Variants in SMARCA2 observed in about 807,000 individuals in gnomAD.
SMARCA2 encodes the protein SWI/SNF-related matrix-associated actin-dependent regulator of chromatin subfamily A member 2.
SMARCA2 carries 61 observed loss-of-function variants against 199.8 expected under a neutral mutation model. That is an observed-to-expected ratio of 0.31 (90% confidence interval 0.25 to 0.38). SMARCA2 has a LOEUF of 0.38. SMARCA2 is among the 10% of genes least tolerant of loss of function. The pLI is 1.00. For missense variants in SMARCA2, 1,344 were observed against 2,012.2 expected, an observed-to-expected ratio of 0.67 and a Z score of 6.35; for synonymous variants, 935 against 732.0, an observed-to-expected ratio of 1.28 and a Z score of -4.48.
intron 8 of SMARCA2, among the ~76,000 whole-genome samples, chr9:2,059,077 G>C (rs977442414): frequency 3.9e-5 from 6 of 152,204 alleles, no homozygotes; most frequent in African/African-American, 1.4e-4. Flanking sequence ...GCACAGAAGA[G>C]ATAGGTTTAT....
intron 27 of SMARCA2, among the ~76,000 whole-genome samples, chr9:2,132,004 G>A (rs1270147340): frequency 6.6e-6 from 1 of 151,546 alleles, no homozygotes; most frequent in Non-Finnish European, 1.5e-5. Context: ...AAGGTAAAAT[G>A]TGATACATCT....
At chr9:2,070,341 C>A in intron 9 of SMARCA2, 77 bp from the exon 10 acceptor site, 1 of 1,124,988 alleles carries the variant, frequency 8.9e-7, no homozygotes, top group Non-Finnish European at 1.4e-6. Context: ...AATCCTATTA[C>A]ATACCGGAGA....
Position 2,039,380 on chromosome 9 carries a change from G to A in SMARCA2, c.356-86G>A. The A allele has an allele frequency of 1.5e-6, 2 of 1,298,496 alleles. No individual in the cohort carries two copies. The highest frequency in any genetic ancestry group is 2.1e-6 in the Non-Finnish European group (2 of 935,080). 80.4% of individuals were successfully genotyped at this position (1,298,496 alleles called of 1,614,324 possible). ...CAAATTTCTGTCAGACAGTGTTGCT[G>A]TGGACAATTATTAGAGTATTCAGGG... On this transcript the variant is annotated intron_variant, in intron 3 of 33. Transcript: ENST00000349721. The surrounding 1 kb of genome is among the most constrained non-coding windows in gnomAD (Gnocchi z 4.8).
chr9:2,023,174 A>G lies in SMARCA2; in HGVS notation c.-36-5813A>G, dbSNP rs112859330. Among the ~76,000 whole-genome samples, 825 of 152,308 alleles carry G rather than the reference A, an allele frequency of 5.4e-3. 7 individuals are homozygous for G. The highest frequency in any genetic ancestry group is 0.02 in the Middle Eastern group (6 of 294). On this transcript the variant is annotated intron_variant, in intron 1 of 33. Coordinates refer to ENST00000349721, the MANE Select transcript of SMARCA2 (RefSeq NM_003070.5). Reference sequence around the variant, plus strand: ...TTAAGAGCCAGGATCCTATTAAGGCAGTGTCTGAGGTTCATGGGGGACTAA... The same window carrying G: ...TTAAGAGCCAGGATCCTATTAAGGCGGTGTCTGAGGTTCATGGGGGACTAA...
intron 9 of SMARCA2, among the ~76,000 whole-genome samples, chr9:2,068,670 C>G (rs1366836629): frequency 6.6e-6 from 1 of 151,218 alleles, no homozygotes; most frequent in Non-Finnish European, 1.5e-5. Flanking sequence ...CTAAAGAGCC[C>G]AAGGGAGGAA....
intron 27 of SMARCA2, among the ~76,000 whole-genome samples, chr9:2,146,424 G>C (rs1395158738): frequency 6.6e-6 from 1 of 152,132 alleles, no homozygotes; most frequent in Non-Finnish European, 1.5e-5. Context: ...TCTAGATTCT[G>C]TTACCGGATC....
At chr9:2,168,541 C>T (rs1427868436) in intron 28 of SMARCA2, among the ~76,000 whole-genome samples, 1 of 152,166 alleles carries the variant, frequency 6.6e-6, no homozygotes, top group Non-Finnish European at 1.5e-5. Flanking sequence ...CTTCCTCTGT[C>T]TCGGAAGTTC....
At chr9:2,081,387 C>T (rs891447928) in intron 14 of SMARCA2, among the ~76,000 whole-genome samples, 1 of 152,204 alleles carries the variant, frequency 6.6e-6, no homozygotes, top group Non-Finnish European at 1.5e-5. Context: ...CCCTGGCTCC[C>T]TGGTCAGTCC....
chr9:2,120,855 T>C (rs1180911932), intron 26 of SMARCA2, among the ~76,000 whole-genome samples: 1 of 152,182 alleles, frequency 6.6e-6, no homozygotes, highest in African/African-American at 2.4e-5. Context: ...GCATGGTCAA[T>C]GTAGGGCATT....
chr9:2,040,232 G>C (rs933380815), intron 4 of SMARCA2: 23 of 512,868 alleles, frequency 4.5e-5, no homozygotes, highest in Non-Finnish European at 7.1e-5. Context: ...TCTGGACTTA[G>C]TGCATTTCAT....
chr9:2,118,350 C>G (rs1164301459), intron 25 of SMARCA2, among the ~76,000 whole-genome samples: 1 of 152,118 alleles, frequency 6.6e-6, no homozygotes, highest in Non-Finnish European at 1.5e-5. Context: ...GATTTTTTTA[C>G]TTTATTGGAT....
Position 2,056,577 on chromosome 9 carries a change from C to A in SMARCA2, c.1174-95C>A. ...GAGAAGCTTGTGGAGATTCCCCGCC[C>A]CACTCTATTCCATTAAATGCAACCG... On this transcript the variant is annotated intron_variant, in intron 6 of 33. Coordinates refer to ENST00000349721, the MANE Select transcript of SMARCA2 (RefSeq NM_003070.5). This position sits in a 1 kb window ranked among gnomAD's most constrained non-coding sequence, Gnocchi z 4.0. 2 of 1,098,420 alleles carry A rather than the reference C, an allele frequency of 1.8e-6. No individual in the cohort carries two copies. Among genetic ancestry groups the A allele is most frequent in the Non-Finnish European group, 2.6e-6 (2 of 777,972 alleles). 68.0% of individuals were successfully genotyped at this position (1,098,420 alleles called of 1,614,324 possible). A position where few individuals can be genotyped will look rare whatever the true frequency, so the allele number is the denominator to read the frequency against.
chr9:2,107,326 AATTTTATTTT>A (rs983251977), intron 23 of SMARCA2, among the ~76,000 whole-genome samples: 5 of 151,894 alleles, frequency 3.3e-5, no homozygotes, highest in African/African-American at 1.2e-4. Flanking sequence ...TATTTAATTT[AATTTTATTTT>A]ATTTTATTGA....
intron 8 of SMARCA2, among the ~76,000 whole-genome samples, chr9:2,059,519 A>G (rs895834099): frequency 1.3e-5 from 2 of 152,208 alleles, no homozygotes; most frequent in African/African-American, 4.8e-5. Context: ...GTCTGACTCA[A>G]CTGAAGTGAA....
chr9:2,066,007 G>A (rs1820821881), intron 9 of SMARCA2, among the ~76,000 whole-genome samples: 1 of 152,202 alleles, frequency 6.6e-6, no homozygotes, highest in Admixed American at 6.5e-5. Flanking sequence ...GCAAATGCCT[G>A]CTAATTTCAT....
At chr9:2,150,595 C>T (rs1212865457) in intron 27 of SMARCA2, among the ~76,000 whole-genome samples, 3 of 151,592 alleles carry the variant, frequency 2.0e-5, no homozygotes, top group African/African-American at 4.8e-5. Flanking sequence ...CTACGAGCAG[C>T]GTTGCTTTGC....
intron 24 of SMARCA2, among the ~76,000 whole-genome samples, chr9:2,111,359 C>G (rs933540603): frequency 1.3e-5 from 2 of 151,724 alleles, no homozygotes; most frequent in African/African-American, 4.8e-5. Flanking sequence ...CACAGTGGCA[C>G]TTATACCTGT....
chr9:2,128,999 A>G (rs950318544), intron 27 of SMARCA2, among the ~76,000 whole-genome samples: 2 of 152,198 alleles, frequency 1.3e-5, no homozygotes, highest in Non-Finnish European at 2.9e-5. Flanking sequence ...GGCCCCCCAC[A>G]CTTTTGACTG....
At chr9:2,122,509 C>G (rs1236746747) in intron 26 of SMARCA2, among the ~76,000 whole-genome samples, 1 of 152,254 alleles carries the variant, frequency 6.6e-6, no homozygotes, top group Non-Finnish European at 1.5e-5. Flanking sequence ...TAGCACATGA[C>G]AGAGCAAGGT....
Sources: gnomAD v4.1 joint callset for allele counts (sites outside exome capture counted in the v4.1 genomes callset) on GRCh38, gnomAD v4.1.1 for gene constraint, Gnocchi (gnomAD v3.1) non-coding constraint, MANE v1.5 for transcripts, NCBI Gene and HGNC (gene_info 2026-07-23, HGNC 2026-07-21) for gene names.